Variants in ZFAND3 observed in about 807,000 individuals in gnomAD.
ZFAND3 encodes the protein AN1-type zinc finger protein 3.
Under a neutral mutation model 29.6 loss-of-function variants are expected in ZFAND3, and 10 were observed. That is an observed-to-expected ratio of 0.34 (90% CI 0.21 to 0.57). The LOEUF (loss-of-function observed/expected upper bound fraction) is 0.57. Among genes scored for constraint, ZFAND3 ranks in the 20% least tolerant of loss-of-function variants. The probability of loss-of-function intolerance (pLI) is 0.86; values close to 1 mark genes in which losing one functional copy is unlikely to be tolerated. For missense variants in ZFAND3, 230 were observed against 304.5 expected (o/e 0.76, Z 1.82); for synonymous variants, 128 against 112.6 (o/e 1.14, Z -0.87).
chr6:37,870,952 G>A (rs1055808972), intron 1 of ZFAND3, among the ~76,000 whole-genome samples: 1 of 152,174 alleles, frequency 6.6e-6, no homozygotes, highest in Non-Finnish European at 1.5e-5. Context: ...ATGTGCTTAA[G>A]TGTTTTTCCT....
chr6:37,970,095 T>C (rs958610978), intron 2 of ZFAND3, among the ~76,000 whole-genome samples: 1 of 152,064 alleles, frequency 6.6e-6, no homozygotes, highest in South Asian at 2.1e-4. Flanking sequence ...ACCATTGCAC[T>C]CCAGTTTGGG....
intron 2 of ZFAND3, among the ~76,000 whole-genome samples, chr6:38,011,688 C>G (rs1186149701): frequency 6.6e-6 from 1 of 152,066 alleles, no homozygotes; most frequent in Non-Finnish European, 1.5e-5. Context: ...GTTCTCAGAA[C>G]ATTATTTGAT....
intron 1 of ZFAND3, among the ~76,000 whole-genome samples, chr6:37,883,696 C>T (rs981150366): frequency 2.8e-5 from 4 of 144,602 alleles, no homozygotes; most frequent in Non-Finnish European, 5.9e-5. Flanking sequence ...TGCCCGCCAC[C>T]ATGCCTGGCT....
intron 2 of ZFAND3, among the ~76,000 whole-genome samples, chr6:37,986,290 T>TA (rs1365137709): frequency 6.6e-6 from 1 of 152,226 alleles, no homozygotes; most frequent in African/African-American, 2.4e-5. Flanking sequence ...TTTACTCACT[T>TA]ACATTACCTG....
At chr6:37,978,564 A>C (rs1245337854) in intron 2 of ZFAND3, among the ~76,000 whole-genome samples, 1 of 152,176 alleles carries the variant, frequency 6.6e-6, no homozygotes, top group Non-Finnish European at 1.5e-5. Context: ...CTACACAGGG[A>C]GTTTTCTTTG....
chr6:38,122,719 A>G (rs764106311), intron 5 of ZFAND3, among the ~76,000 whole-genome samples: 11 of 152,236 alleles, frequency 7.2e-5, no homozygotes, highest in Non-Finnish European at 1.5e-5. Context: ...AGAGGAAGGC[A>G]GACATACATA....
In ZFAND3 at chr6:38,108,412, A is replaced by G. The variant is rs141464968; in HGVS notation, c.362-8160A>G. On this transcript the variant is annotated intron_variant, in intron 4 of 5. Coordinates refer to ENST00000287218, the MANE Select transcript of ZFAND3 (RefSeq NM_021943.3). Reference sequence around the variant, plus strand: ...CGTAAGCTGGGGAATAGAGAAGCCAATAGTGGCTCAGTCCAAGTCCAAAAG... The same window carrying G: ...CGTAAGCTGGGGAATAGAGAAGCCAGTAGTGGCTCAGTCCAAGTCCAAAAG... Among the ~76,000 whole-genome samples the G allele has an allele frequency of 1.7e-3, 263 of 152,316 alleles. 1 individual carries two copies. Among genetic ancestry groups the G allele is most frequent in the African/African-American group, 5.9e-3 (247 of 41,550 alleles).
At chr6:38,026,421 ATTTTTTTTTTTTTTT>A (rs10715149) in intron 2 of ZFAND3, among the ~76,000 whole-genome samples, 79 of 74,874 alleles carry the variant, frequency 1.1e-3, no homozygotes, top group Middle Eastern at 0.021. Flanking sequence ...TTACTTTAGG[ATTTTTTTTTTTTTTT>A]TTTTTTTTTT....
intron 1 of ZFAND3, among the ~76,000 whole-genome samples, chr6:37,844,257 TGTCTTTCC>T (rs1363257235): frequency 6.6e-6 from 1 of 151,348 alleles, no homozygotes; most frequent in Non-Finnish European, 1.5e-5. Context: ...TCTGTCTTTC[TGTCTTTCC>T]TTGTCTTTCT....
chr6:37,874,556 C>T (rs1277994545), intron 1 of ZFAND3, among the ~76,000 whole-genome samples: 1 of 149,002 alleles, frequency 6.7e-6, no homozygotes, highest in East Asian at 1.9e-4. Context: ...TTTACAAGGA[C>T]ACCAGTCATA....
intron 1 of ZFAND3, among the ~76,000 whole-genome samples, chr6:37,864,777 ACATACACG>A (rs1764558673): frequency 2.6e-5 from 4 of 152,058 alleles, no homozygotes; most frequent in Non-Finnish European, 5.9e-5. Context: ...ACACATGCAC[ACATACACG>A]CACACTCTCA....
At chr6:37,909,405 T>C (rs1472474998) in intron 1 of ZFAND3, among the ~76,000 whole-genome samples, 1 of 151,292 alleles carries the variant, frequency 6.6e-6, no homozygotes, top group Non-Finnish European at 1.5e-5. Flanking sequence ...TCAGCCTCCC[T>C]AGTAGCTGGG....
At chr6:38,144,177 TATATATA>T (rs1232494948) in intron 5 of ZFAND3, among the ~76,000 whole-genome samples, 262 of 16,674 alleles carry the variant, frequency 0.016, 7 homozygotes, top group African/African-American at 0.1. Context: ...ATGTGATATA[TATATATA>T]ATATATATAT....
intron 1 of ZFAND3, among the ~76,000 whole-genome samples, chr6:37,927,885 A>G (rs1459616428): frequency 1.3e-5 from 2 of 152,326 alleles, no homozygotes; most frequent in Middle Eastern, 3.4e-3. Context: ...GACCAGATTA[A>G]TTCACTTACT....
chr6:37,895,517 C>CTT (rs70977701), intron 1 of ZFAND3, among the ~76,000 whole-genome samples: 8,970 of 52,576 alleles, frequency 0.17, 388 homozygotes, highest in Middle Eastern at 0.23. Context: ...TTTGAATTTT[C>CTT]TTTTTTTTTT....
chr6:38,055,531 GA>G (rs1207016852), intron 2 of ZFAND3, among the ~76,000 whole-genome samples: 1 of 152,194 alleles, frequency 6.6e-6, no homozygotes, highest in African/African-American at 2.4e-5. Flanking sequence ...ATGAGAAAAT[GA>G]ATGCAAAGCC....
chr6:38,140,168 A>G (rs1471241881), intron 5 of ZFAND3, among the ~76,000 whole-genome samples: 1 of 152,220 alleles, frequency 6.6e-6, no homozygotes, highest in African/African-American at 2.4e-5. Flanking sequence ...TGAGATGCCA[A>G]GTAGATAATT....
intron 1 of ZFAND3, among the ~76,000 whole-genome samples, chr6:37,838,634 T>A (rs1381370134): frequency 1.3e-5 from 2 of 152,252 alleles, no homozygotes; most frequent in Non-Finnish European, 2.9e-5. Flanking sequence ...TTCAAGGTTC[T>A]TCCATGTTGT....
intron 4 of ZFAND3, among the ~76,000 whole-genome samples, chr6:38,097,384 G>A (rs1765004963): frequency 6.6e-6 from 1 of 151,598 alleles, no homozygotes; most frequent in African/African-American, 2.4e-5. Flanking sequence ...ACCGCACCCA[G>A]CCTAGGACTG....
Sources: gnomAD v4.1 joint callset for allele counts (sites outside exome capture counted in the v4.1 genomes callset) on GRCh38, gnomAD v4.1.1 for gene constraint, MANE v1.5 for transcripts, NCBI Gene and HGNC (gene_info 2026-07-23, HGNC 2026-07-21) for gene names.